The following NOVA1 variants were observed in gnomAD, a reference collection of about 807,000 sequenced individuals.
NOVA1 encodes NOVA alternative splicing regulator 1.
NOVA1 carries 7 observed loss-of-function variants against 38.0 expected under a neutral mutation model. That is an observed-to-expected ratio of 0.18 (90% CI 0.10 to 0.35). NOVA1 has a LOEUF of 0.35. Ranked by LOEUF, NOVA1 falls within the 10% of genes least tolerant of loss-of-function variation. The probability of loss-of-function intolerance (pLI) is 1.00; values close to 1 mark genes in which losing one functional copy is unlikely to be tolerated. For synonymous variants in NOVA1, 270 were observed against 232.5 expected (o/e 1.16, Z -1.47); for missense variants, 460 against 616.0 (o/e 0.75, Z 2.68).
chr14:26,503,196 AATATAT>A (rs1407422664), intron 2 of NOVA1, among the ~76,000 whole-genome samples: 3 of 152,056 alleles, frequency 2.0e-5, no homozygotes, highest in African/African-American at 7.2e-5. Flanking sequence ...TTTATTCCTT[AATATAT>A]GAAATGTTTT....
chr14:26,532,401 G>A (rs1404136075), intron 2 of NOVA1, among the ~76,000 whole-genome samples: 4 of 152,174 alleles, frequency 2.6e-5, no homozygotes, highest in African/African-American at 4.8e-5. Context: ...TCAGAAACAT[G>A]ATTCAGAGCA....
chr14:26,506,837 C>CCTTG (rs1222724694), intron 2 of NOVA1, among the ~76,000 whole-genome samples: 1 of 152,166 alleles, frequency 6.6e-6, no homozygotes, highest in African/African-American at 2.4e-5. Context: ...GCCTCTGCCT[C>CCTTG]CCAAAGTGCT....
Position 26,467,854 on chromosome 14 carries a change from A to C in NOVA1, c.519+4466T>G, listed in dbSNP as rs1299243673. 4.6e-5 allele frequency among the ~76,000 whole-genome samples: 7 copies of C among 152,200 alleles called. No individual in the cohort carries two copies. In the South Asian group the frequency reaches 1.4e-3, roughly 31 times the overall value. On this transcript the variant is annotated intron_variant, in intron 4 of 4. Transcript: ENST00000539517. ...TTCAATCTTCTCAGTGAAGTAGGAA[A>C]GGAAGTAAGGTCATTAGCCGGGAGA...
Position 26,574,280 on chromosome 14 carries a change from C to G in NOVA1, c.280+21130G>C, listed in dbSNP as rs1426331172. Among the ~76,000 whole-genome samples, 2 of 95,428 alleles carry G rather than the reference C, an allele frequency of 2.1e-5. 1 individual carries two copies. Among genetic ancestry groups the G allele is most frequent in the East Asian group, 9.0e-4 (2 of 2,216 alleles). The allele number at this position is 95,428 out of a possible 152,430, so 62.6% of individuals were successfully genotyped here. On this transcript the variant is annotated intron_variant, in intron 2 of 4. Coordinates refer to ENST00000539517, the MANE Select transcript of NOVA1 (RefSeq NM_002515.3). ...ACCTCGTGATCCACCCCCCCCCCCC[C>G]GCCCCCTCGGCCTCCCAAAGTGCTG... is the stretch of plus-strand genomic sequence containing the variant.
chr14:26,588,691 G>A (rs534057925), intron 2 of NOVA1, among the ~76,000 whole-genome samples: 22 of 151,106 alleles, frequency 1.5e-4, no homozygotes, highest in African/African-American at 3.9e-4. Context: ...TAAAAATCAC[G>A]GTAAAAGTAT....
At chr14:26,499,571 T>TA (rs900285218) in intron 2 of NOVA1, among the ~76,000 whole-genome samples, 1 of 152,086 alleles carries the variant, frequency 6.6e-6, no homozygotes, top group African/African-American at 2.4e-5. Context: ...GTGTAGCCTG[T>TA]AAAAAATTTT....
At chr14:26,455,152 T>C (rs1044639396) in intron 4 of NOVA1, among the ~76,000 whole-genome samples, 7 of 152,178 alleles carry the variant, frequency 4.6e-5, no homozygotes, top group African/African-American at 1.7e-4. Context: ...CAGAACAGTT[T>C]TCATAGCATT....
At chr14:26,501,219 A>G (rs1887220732) in intron 2 of NOVA1, among the ~76,000 whole-genome samples, 2 of 152,172 alleles carry the variant, frequency 1.3e-5, no homozygotes, top group South Asian at 4.1e-4. Context: ...AAGATAAAAT[A>G]TCACCTTAAG....
At chr14:26,566,978 A>C (rs1293795860) in intron 2 of NOVA1, among the ~76,000 whole-genome samples, 1 of 152,128 alleles carries the variant, frequency 6.6e-6, no homozygotes, top group Non-Finnish European at 1.5e-5. Flanking sequence ...TATCTTCAAA[A>C]CTACTTGGAA....
In NOVA1 at chr14:26,596,485, T is replaced by C. The variant is rs1252075001; in HGVS notation, c.136+816A>G. The C allele has an allele frequency of 2.5e-6, 3 of 1,215,870 alleles. No homozygotes were observed. In the African/African-American group the frequency reaches 4.7e-5, roughly 19 times the overall value. 75.3% of individuals were successfully genotyped at this position (1,215,870 alleles called of 1,614,324 possible). ...AGACACCCCGGTAAATCCAGCTTTC[T>C]TAATGTGAATGAATGTTCCAAATGT... On this transcript the variant is annotated intron_variant, in intron 1 of 4. Coordinates refer to ENST00000539517, the MANE Select transcript of NOVA1 (RefSeq NM_002515.3).
At chr14:26,498,216 C>T (rs530519426) in intron 2 of NOVA1, among the ~76,000 whole-genome samples, 10 of 151,586 alleles carry the variant, frequency 6.6e-5, no homozygotes, top group South Asian at 6.2e-4. Context: ...CCCGCCACCA[C>T]GCCCAGTTAA....
At chr14:26,522,614 T>C (rs550721086) in intron 2 of NOVA1, among the ~76,000 whole-genome samples, 2 of 152,198 alleles carry the variant, frequency 1.3e-5, no homozygotes, top group South Asian at 4.1e-4. Flanking sequence ...AAAAAATCCA[T>C]CTTGGTCTTA....
chr14:26,488,160 CA>C (rs1437495891), intron 2 of NOVA1, among the ~76,000 whole-genome samples: 1 of 152,076 alleles, frequency 6.6e-6, no homozygotes, highest in Non-Finnish European at 1.5e-5. Flanking sequence ...TTTTAAACTG[CA>C]AAAATTTGCA....
chr14:26,465,268 G>A (rs867733484), intron 4 of NOVA1, among the ~76,000 whole-genome samples: 10 of 151,982 alleles, frequency 6.6e-5, no homozygotes, highest in Non-Finnish European at 7.4e-5. Flanking sequence ...TCCGCCTCCC[G>A]GGTTCAAGCA....
chr14:26,539,030 T>C (rs1399407005), intron 2 of NOVA1, among the ~76,000 whole-genome samples: 1 of 152,158 alleles, frequency 6.6e-6, no homozygotes, highest in Admixed American at 6.5e-5. Flanking sequence ...CCTTCTCCTA[T>C]ATCCTAGCTA....
chr14:26,550,752 T>C (rs1222844489), intron 2 of NOVA1, among the ~76,000 whole-genome samples: 1 of 152,232 alleles, frequency 6.6e-6, no homozygotes, highest in African/African-American at 2.4e-5. Flanking sequence ...TGAAACAGAC[T>C]GAGGGTGCTT....
chr14:26,506,620 C>A (rs994708295), intron 2 of NOVA1, among the ~76,000 whole-genome samples: 8 of 152,042 alleles, frequency 5.3e-5, no homozygotes, highest in African/African-American at 1.9e-4. Context: ...CTCTTTGTTA[C>A]CCAGGCTGGA....
chr14:26,512,531 A>G (rs1888179185), intron 2 of NOVA1, among the ~76,000 whole-genome samples: 1 of 152,290 alleles, frequency 6.6e-6, no homozygotes, highest in Non-Finnish European at 1.5e-5. Flanking sequence ...GACTTCAATT[A>G]AACTCTTAAA....
intron 4 of NOVA1, among the ~76,000 whole-genome samples, chr14:26,464,410 G>T (rs1883950419): frequency 6.6e-6 from 1 of 152,120 alleles, no homozygotes; most frequent in South Asian, 2.1e-4. Context: ...TATTGTAATG[G>T]GCTATACCAT....
Sources: allele counts gnomAD v4.1 joint callset (sites outside exome capture counted in the v4.1 genomes callset), GRCh38; gene constraint gnomAD v4.1.1; transcripts MANE v1.5; gene names NCBI Gene and HGNC (gene_info 2026-07-23, HGNC 2026-07-21).